SLC7A8: variants seen among roughly 807,000 people sequenced by gnomAD.
SLC7A8 encodes large neutral amino acids transporter small subunit 2.
In SLC7A8, 30 loss-of-function variants were observed where a neutral mutation model predicts 51.2. The observed-to-expected ratio is 0.59, with a 90% CI of 0.44 to 0.80. The LOEUF (loss-of-function observed/expected upper bound fraction) is 0.80. SLC7A8 is among the 30% of genes least tolerant of loss of function. The probability of loss-of-function intolerance (pLI) is 0.00; values close to 1 mark genes in which losing one functional copy is unlikely to be tolerated. For synonymous variants in SLC7A8, 257 were observed against 275.8 expected (o/e 0.93, Z 0.67); for missense variants, 612 against 674.4 (o/e 0.91, Z 1.03).
intron 8 of SLC7A8, chr14:23,130,193 A>T (rs969170804): frequency 1.2e-5 from 2 of 165,960 alleles, no homozygotes; most frequent in Non-Finnish European, 2.6e-5. Context: ...GAAGATTGTT[A>T]ACAACAGATT....
chr14:23,169,682 C>T (rs937219550), intron 1 of SLC7A8, among the ~76,000 whole-genome samples: 1 of 152,192 alleles, frequency 6.6e-6, no homozygotes, highest in Admixed American at 6.5e-5. Flanking sequence ...GCTAGGATTA[C>T]AGGTGTGAGC....
At chr14:23,156,534 T>G (rs2048894367) in intron 3 of SLC7A8, 1 of 152,174 alleles carries the variant, frequency 6.6e-6, no homozygotes, top group African/African-American at 2.4e-5. Context: ...TGATATAAAT[T>G]TGGTGTGTCA....
intron 1 of SLC7A8, among the ~76,000 whole-genome samples, chr14:23,174,697 T>C (rs770987394): frequency 1.3e-5 from 2 of 152,264 alleles, no homozygotes; most frequent in Non-Finnish European, 2.9e-5. Context: ...CTGAATCCTA[T>C]GTCCAGCTGC....
intron 3 of SLC7A8, among the ~76,000 whole-genome samples, chr14:23,162,764 A>T (rs929753130): frequency 3.3e-5 from 5 of 152,190 alleles, no homozygotes; most frequent in Non-Finnish European, 5.9e-5. Context: ...TTTGTGCAAG[A>T]GGTCAAACCC....
At chr14:23,150,544 G>A (rs1361007773) in intron 3 of SLC7A8, among the ~76,000 whole-genome samples, 1 of 152,184 alleles carries the variant, frequency 6.6e-6, no homozygotes, top group African/African-American at 2.4e-5. Flanking sequence ...CGTACTCTCA[G>A]TTAACCTCTC....
intron 1 of SLC7A8, among the ~76,000 whole-genome samples, chr14:23,181,770 C>T (rs1021801402): frequency 5.3e-5 from 8 of 152,198 alleles, no homozygotes; most frequent in East Asian, 1.9e-4. Context: ...AAGCCCCCTA[C>T]CAAAGATAGC....
intron 3 of SLC7A8, among the ~76,000 whole-genome samples, chr14:23,160,942 C>CTT (rs1205253035): frequency 1.4e-5 from 1 of 73,666 alleles, no homozygotes; most frequent in Non-Finnish European, 4.1e-5. Flanking sequence ...ATGTAAAATA[C>CTT]TTTCTCTCTC....
Position 23,141,610 on chromosome 14 carries a change from TG to T in SLC7A8, c.635-987del, listed in dbSNP as rs1264232324. Among the ~76,000 whole-genome samples the T allele has an allele frequency of 6.6e-5, 3 of 45,402 alleles. No individual in the cohort carries two copies. In the East Asian group the frequency reaches 5.4e-3, roughly 82 times the overall value. The allele number at this position is 45,402 out of a possible 152,430, so 29.8% of individuals were successfully genotyped here. On this transcript the variant is annotated intron_variant, in intron 4 of 10. Transcript: ENST00000316902. ...AGTTACAGGCATATGCCACCATGCC[TG>T]GCTAATTTTTTTTTGTATTTTTAGT...
chr14:23,151,890 C>T (rs915442894), intron 3 of SLC7A8, among the ~76,000 whole-genome samples: 1 of 151,878 alleles, frequency 6.6e-6, no homozygotes, highest in Non-Finnish European at 1.5e-5. Flanking sequence ...ATAGCAAAAC[C>T]CTGTCTCTAT....
rs1027072840 is a variant in SLC7A8, at chr14:23,183,086, C to T, written c.-172G>A. On this transcript the variant is annotated 5_prime_UTR_variant, in exon 1 of 11. Coordinates refer to ENST00000316902, the MANE Select transcript of SLC7A8 (RefSeq NM_012244.4). ...AGAGAACACGAAAAATATTCCTACT[C>T]CGCATTCACACTTTCTGGTCACTCG... 2 of 492,894 alleles carry T rather than the reference C, an allele frequency of 4.1e-6. No homozygotes were observed. The highest frequency in any genetic ancestry group is 6.7e-6 in the Non-Finnish European group (2 of 297,730). 30.5% of individuals were successfully genotyped at this position (492,894 alleles called of 1,614,324 possible).
rs931174016 is a variant in SLC7A8 at position 23,128,810 on chromosome 14, T to C, written c.1264-614A>G. On this transcript the variant is annotated intron_variant, in intron 9 of 10. Coordinates refer to ENST00000316902, the MANE Select transcript of SLC7A8 (RefSeq NM_012244.4). This position sits in a 1 kb window ranked among gnomAD's most constrained non-coding sequence, Gnocchi z 4.3. ...CCTTGTCTTCCTCGCTCAGAAGGGA[T>C]GTGTGTGGTGGGGACATGGGGTTAT... 3.9e-5 allele frequency among the ~76,000 whole-genome samples: 6 copies of C among 152,142 alleles called. No individual in the cohort carries two copies. Among genetic ancestry groups the C allele is most frequent in the East Asian group, 1.9e-4 (1 of 5,188 alleles).
chr14:23,138,177 G>A (rs2048708972), intron 6 of SLC7A8, 153 bp from the exon 7 acceptor site: 2 of 899,410 alleles, frequency 2.2e-6, no homozygotes, highest in Non-Finnish European at 3.3e-6. Context: ...TCTCAAGGGT[G>A]GACCCCTACA....
intron 3 of SLC7A8, chr14:23,146,883 C>T (rs1375178598): frequency 6.6e-6 from 1 of 152,226 alleles, no homozygotes; most frequent in Non-Finnish European, 1.5e-5. Flanking sequence ...GCTCGCCAAG[C>T]TCCTGCCCCG....
chr14:23,144,972 G>A (rs1441257037), intron 3 of SLC7A8, among the ~76,000 whole-genome samples: 41 of 143,162 alleles, frequency 2.9e-4, no homozygotes, highest in African/African-American at 1.0e-3. Flanking sequence ...TCACTCTGTC[G>A]CTCAGGCTGG....
At chr14:23,129,113 A>G (rs1023343428) in intron 9 of SLC7A8, 3 of 157,346 alleles carry the variant, frequency 1.9e-5, no homozygotes, top group African/African-American at 4.8e-5. Context: ...TTGTAGCAAT[A>G]TTAGGTTCAC....
At chr14:23,156,002 T>A (rs1260773515) in intron 3 of SLC7A8, among the ~76,000 whole-genome samples, 1 of 146,422 alleles carries the variant, frequency 6.8e-6, no homozygotes, top group East Asian at 1.9e-4. Flanking sequence ...TCTTTTCTTT[T>A]CTTTTTTTTT....
chr14:23,174,262 G>A (rs2048988881), intron 1 of SLC7A8, among the ~76,000 whole-genome samples: 1 of 152,230 alleles, frequency 6.6e-6, no homozygotes, highest in South Asian at 2.1e-4. Context: ...AAGTATTTGT[G>A]CATTTCCTAA....
rs140255900 is a variant in SLC7A8 at position 23,137,829 on chromosome 14, C to T, written c.1016+92G>A. On this transcript the variant is annotated intron_variant, in intron 7 of 10. Coordinates refer to ENST00000316902, the MANE Select transcript of SLC7A8 (RefSeq NM_012244.4). ...CCCAACATCCAGATGCCCACACAGA[C>T]CCCTGCTGACAGAGACAAGCCCACC... 3.2e-3 allele frequency: 4,810 copies of T among 1,504,730 alleles called. 9 individuals carry two copies. Among genetic ancestry groups the T allele is most frequent in the Non-Finnish European group, 3.6e-3 (3,970 of 1,111,360 alleles). The allele number at this position is 1,504,730 out of a possible 1,614,324, so 93.2% of individuals were successfully genotyped here.
intron 3 of SLC7A8, among the ~76,000 whole-genome samples, chr14:23,160,962 T>TC (rs1566370077): frequency 1.9e-4 from 21 of 111,794 alleles, no homozygotes; most frequent in Middle Eastern, 9.3e-3. Context: ...CTCTCTCTCT[T>TC]TTTTTTCTTT....
Sources: gnomAD v4.1 joint callset for allele counts (sites outside exome capture counted in the v4.1 genomes callset) on GRCh38, gnomAD v4.1.1 for gene constraint, Gnocchi (gnomAD v3.1) non-coding constraint, MANE v1.5 for transcripts, NCBI Gene and HGNC (gene_info 2026-07-23, HGNC 2026-07-21) for gene names.